HOOK1: variants seen among roughly 807,000 people sequenced by gnomAD.
HOOK1 encodes protein Hook homolog 1.
Under a neutral mutation model 112.8 loss-of-function variants are expected in HOOK1, and 60 were observed. The observed-to-expected ratio is 0.53, with a 90% confidence interval of 0.43 to 0.66. The LOEUF is 0.66. Among genes scored for constraint, HOOK1 ranks in the 30% least tolerant of loss-of-function variants. The pLI is 0.00. For synonymous variants in HOOK1, 294 were observed against 283.8 expected, an observed-to-expected ratio of 1.04 and a Z score of -0.36; for missense variants, 770 against 856.0, an observed-to-expected ratio of 0.90 and a Z score of 1.25.
chr1:59,868,234 T>C lies in HOOK1; in HGVS notation c.1846-16T>C. 1.5e-6 allele frequency: 2 copies of C among 1,354,978 alleles called. No individual in the cohort carries two copies. The highest frequency in any genetic ancestry group is 4.5e-4 in the Middle Eastern group (2 of 4,454). The allele number at this position is 1,354,978 out of a possible 1,614,324, so 83.9% of individuals were successfully genotyped here. ...TTAAAATATAAAGTGAACATAGTAT[T>C]TTTTTCTTTAAACAGGTAATAAAAA... On this transcript the variant is annotated splice_polypyrimidine_tract_variant and intron_variant, in intron 19 of 21. Coordinates refer to ENST00000371208, the MANE Select transcript of HOOK1 (RefSeq NM_015888.6).
rs1644083399 is a variant in HOOK1 at position 59,873,055 on chromosome 1, GAA to G, written c.*94_*95del. On this transcript the variant is annotated 3_prime_UTR_variant, in exon 22 of 22. Coordinates refer to ENST00000371208, the MANE Select transcript of HOOK1 (RefSeq NM_015888.6). The stretch of plus-strand genomic sequence containing the variant: ...GTACCTTTCAACTAACTACCAGATT[GAA>G]AAAGAGTTTATGATGCGGGATATCA... 3.9e-6 allele frequency: 4 copies of G among 1,033,124 alleles called. No homozygotes were observed. The highest frequency in any genetic ancestry group is 5.1e-6 in the Non-Finnish European group (4 of 779,942). 64.0% of individuals were successfully genotyped at this position (1,033,124 alleles called of 1,614,324 possible). A position where few individuals can be genotyped will look rare whatever the true frequency, so the allele number is the denominator to read the frequency against.
At chr1:59,821,976 T>C (rs766418289) in intron 2 of HOOK1, 33 bp downstream of exon 2, 4 of 1,526,434 alleles carry the variant, frequency 2.6e-6, no homozygotes, top group Non-Finnish European at 3.6e-6. Context: ...CTGAAAAGCA[T>C]TGTAAACCCA....
intron 6 of HOOK1, 94 bp downstream of exon 6, chr1:59,835,506 T>C (rs1559048344): frequency 1.3e-6 from 1 of 749,510 alleles, no homozygotes; most frequent in East Asian, 2.7e-5. Context: ...AAAAACTTGC[T>C]CTTTGTTGTA....
rs1574194623 is a variant in HOOK1, at chr1:59,840,340, A to C, written c.570A>C (p.Ala190=). The change falls in exon 8 of 22, where the codon GCA becomes GCC. Residue 190 remains alanine (A), a synonymous_variant. Coordinates refer to ENST00000371208, the MANE Select transcript of HOOK1 (RefSeq NM_015888.6). ...LKRALEELQE[A]LAEKEELRQR... is the part of the protein sequence containing the mutation. Reference sequence around the variant, plus strand: ...GAGCCTTGGAAGAACTTCAGGAAGCACTAGCAGAAAAAGAAGAGCTGAGGC... The same window carrying C: ...GAGCCTTGGAAGAACTTCAGGAAGCCCTAGCAGAAAAAGAAGAGCTGAGGC... 9 of 1,599,744 alleles carry C rather than the reference A, an allele frequency of 5.6e-6. No homozygotes were observed. The highest frequency in any genetic ancestry group is 6.8e-6 in the Non-Finnish European group (8 of 1,173,622).
intron 3 of HOOK1, among the ~76,000 whole-genome samples, chr1:59,829,686 G>A (rs2098392415): frequency 6.6e-6 from 1 of 151,916 alleles, no homozygotes; most frequent in Admixed American, 6.6e-5. Flanking sequence ...CTGGCTAGAT[G>A]TTTTTCAATT....
At chr1:59,857,770 C>T (rs895920402) in intron 12 of HOOK1, among the ~76,000 whole-genome samples, 4 of 152,156 alleles carry the variant, frequency 2.6e-5, no homozygotes, top group Non-Finnish European at 4.4e-5. Flanking sequence ...ACGTTCTGTT[C>T]GTAACCTAGA....
rs2098402102 is a variant in HOOK1 at position 59,843,522 on chromosome 1, G to A, written c.712G>A (p.Asp238Asn). Reference protein sequence around the residue: ...KLDQLDGSFDDPNTVVAKKYF... With the variant: ...KLDQLDGSFDNPNTVVAKKYF... ...TGACCAGTTGGATGGCTCTTTTGAT[G>A]ATCCAAACACAGTGGTTGCAAAAAA... Residue 238 changes from aspartate to asparagine, a missense_variant, in exon 9 of 22, where the codon GAT becomes AAT. This residue lies in a region of HOOK1 where 655 missense variants were observed against 725.9 expected (regional missense o/e 0.90). Transcript: ENST00000371208. 1 of 1,609,788 alleles carries A rather than the reference G, an allele frequency of 6.2e-7. No individual in the cohort carries two copies. The highest frequency in any genetic ancestry group is 8.5e-7 in the Non-Finnish European group (1 of 1,177,566).
chr1:59,839,708 C>G (rs1345413297), intron 7 of HOOK1, among the ~76,000 whole-genome samples: 1 of 152,106 alleles, frequency 6.6e-6, no homozygotes, highest in Non-Finnish European at 1.5e-5. Flanking sequence ...TTGCCCTGGC[C>G]AGAACTTCCA....
At position 59,815,141 on chromosome 1, in the gene HOOK1, G is replaced by T; in HGVS notation, c.24G>T (p.Pro8=). The T allele has an allele frequency of 6.5e-7, 1 of 1,542,870 alleles. No individual in the cohort carries two copies. Among genetic ancestry groups the T allele is most frequent in the Non-Finnish European group, 8.7e-7 (1 of 1,146,518 alleles). Residue 8 remains proline, a synonymous_variant, in exon 1 of 22, where the codon CCG becomes CCT. Coordinates refer to ENST00000371208, the MANE Select transcript of HOOK1 (RefSeq NM_015888.6). MEETQPP[P]QPKLPLCDSL... ...CCATGGAGGAGACGCAGCCGCCGCC[G>T]CAGCCTAAGCTGCCCCTGTGCGACA... is the stretch of plus-strand genomic sequence containing the variant.
intron 20 of HOOK1, 29 bp downstream of exon 20, chr1:59,868,380 A>C: frequency 7.9e-7 from 1 of 1,269,356 alleles, no homozygotes. Context: ...CTCATCTTTT[A>C]GTTATTTTGT....
Position 59,815,071 on chromosome 1 carries a change from G to C in HOOK1, c.-47G>C, listed in dbSNP as rs1411286212. The C allele has an allele frequency of 7.3e-6, 10 of 1,376,186 alleles. No homozygotes were observed. The South Asian group carries it at 8.9e-5, about 12-fold the overall frequency. 85.2% of individuals were successfully genotyped at this position (1,376,186 alleles called of 1,614,324 possible). Reference sequence around the variant, plus strand: ...CCGGCTCCTGGAGGAGAGCCGGTAGGAGGGAGTGTGAAGGTGTCCGCGGCG... The same window carrying C: ...CCGGCTCCTGGAGGAGAGCCGGTAGCAGGGAGTGTGAAGGTGTCCGCGGCG... On this transcript the variant is annotated 5_prime_UTR_variant, in exon 1 of 22. Coordinates refer to ENST00000371208, the MANE Select transcript of HOOK1 (RefSeq NM_015888.6).
chr1:59,845,289 T>C (rs2098403101), intron 9 of HOOK1, among the ~76,000 whole-genome samples: 1 of 151,920 alleles, frequency 6.6e-6, no homozygotes, highest in East Asian at 1.9e-4. Context: ...ACCACCACAA[T>C]GGGGATTAGG....
chr1:59,840,115 A>G (rs1014842171), intron 7 of HOOK1, among the ~76,000 whole-genome samples, 193 bp from the exon 8 acceptor site: 5 of 152,118 alleles, frequency 3.3e-5, no homozygotes, highest in Non-Finnish European at 7.4e-5. Context: ...GGATTTTCAC[A>G]TCGATGTTCA....
At chr1:59,838,144 G>T (rs2098398970) in intron 7 of HOOK1, among the ~76,000 whole-genome samples, 1 of 152,126 alleles carries the variant, frequency 6.6e-6, no homozygotes, top group Admixed American at 6.6e-5. Context: ...GAATAGTGCT[G>T]TAATAAAAAT....
Position 59,862,795 on chromosome 1 carries a change from A to G in HOOK1, c.1544A>G (p.Glu515Gly). The G allele has an allele frequency of 6.2e-7, 1 of 1,608,838 alleles. No individual in the cohort carries two copies. Residue 515 changes from glutamate to glycine, a missense_variant, in exon 16 of 22, where the codon GAG becomes GGG. Around this residue, in one of 3 missense-constraint regions of HOOK1, gnomAD observed 655 missense variants for 725.9 expected, o/e 0.90. Transcript: ENST00000371208. Reference protein sequence around the residue: ...ELETEQRLSKERIRELQQQIE... With the variant: ...ELETEQRLSKGRIRELQQQIE... ...CCATCTTACAATAGGCTGAGCAAAG[A>G]GCGTATTAGAGAATTGCAGCAGCAG...
rs1357995166 is a variant in HOOK1, at chr1:59,871,097, C to T, written c.2003C>T (p.Ala668Val). 5 of 1,610,404 alleles carry T rather than the reference C, an allele frequency of 3.1e-6. No individual in the cohort carries two copies. The highest frequency in any genetic ancestry group is 4.2e-6 in the Non-Finnish European group (5 of 1,177,194). Residue 668 changes from alanine to valine, a missense_variant, in exon 21 of 22, where the codon GCG (alanine) becomes GTG (valine). Ala to Val is a moderately conservative substitution (Grantham distance 64, BLOSUM62 0). Transcript: ENST00000371208. The part of the protein sequence containing the change: ...RDYEEKLIVS[A>V]WYNKSLAFQK... ...TATGAAGAAAAACTCATTGTTTCTG[C>T]GTGGTATAATAAGGTGAGCTGAAGT...
chr1:59,866,079 C>G (rs1203520773), intron 19 of HOOK1, 107 bp downstream of exon 19: 7 of 669,002 alleles, frequency 1.0e-5, no homozygotes, highest in East Asian at 8.6e-5. Flanking sequence ...AATCACTTCT[C>G]TCTTAACTGT....
chr1:59,836,752 A>T (rs1482658634), intron 6 of HOOK1, 121 bp from the exon 7 acceptor site: 4 of 567,826 alleles, frequency 7.0e-6, no homozygotes, highest in Non-Finnish European at 9.1e-6. Context: ...CGTTCTAAGG[A>T]TCCTCAAATT....
intron 8 of HOOK1, among the ~76,000 whole-genome samples, chr1:59,843,209 A>G (rs1217857502): frequency 2.0e-5 from 3 of 150,352 alleles, no homozygotes; most frequent in Non-Finnish European, 4.4e-5. Flanking sequence ...TAGTTACTCT[A>G]TTTTCTCCAT....
Sources: allele counts gnomAD v4.1 joint callset (sites outside exome capture counted in the v4.1 genomes callset), GRCh38; gene constraint gnomAD v4.1.1; regional missense constraint gnomAD v4.1.1; transcripts MANE v1.5; gene names NCBI Gene and HGNC (gene_info 2026-07-23, HGNC 2026-07-21).